RORB: variants seen among roughly 807,000 people sequenced by gnomAD.
RORB encodes nuclear receptor ROR-beta.
RORB carries 6 observed loss-of-function variants against 59.1 expected under a neutral mutation model. That is an observed-to-expected ratio of 0.10 (90% CI 0.06 to 0.20). RORB has a LOEUF of 0.20. Ranked by LOEUF, RORB falls within the 10% of genes least tolerant of loss-of-function variation. The pLI, the probability that RORB is intolerant of heterozygous loss-of-function variation, is 1.00. For synonymous variants in RORB, 215 were observed against 204.5 expected (o/e 1.05, Z -0.44); for missense variants, 320 against 560.5 (o/e 0.57, Z 4.33).
At chr9:74,666,034 C>T (rs1464558707) in intron 7 of RORB, among the ~76,000 whole-genome samples, 3 of 152,182 alleles carry the variant, frequency 2.0e-5, no homozygotes, top group South Asian at 2.1e-4. Context: ...TGCCTGTAAT[C>T]CCAGCACTTT....
rs771177814 is a variant in RORB at position 74,662,581 on chromosome 9, T to C, written c.867T>C (p.Asn289=). 1.2e-6 allele frequency: 2 copies of C among 1,613,996 alleles called. No individual in the cohort carries two copies. Among genetic ancestry groups the C allele is most frequent in the East Asian group, 4.5e-5 (2 of 44,872 alleles). Reference sequence around the variant, plus strand: ...CAGGCTTCATGGAGCTCTGTCAAAATGATCAAATTCTACTTCTGAAGTCAG... The same window carrying C: ...CAGGCTTCATGGAGCTCTGTCAAAACGATCAAATTCTACTTCTGAAGTCAG... The part of the protein sequence containing the change: ...RITGFMELCQ[N]DQILLLKSGC... The change falls in exon 6 of 10, where the codon AAT becomes AAC. Residue 289 remains asparagine, a synonymous_variant. Transcript: ENST00000376896.
intron 2 of RORB, among the ~76,000 whole-genome samples, chr9:74,632,116 A>G (rs1823628464): frequency 6.6e-6 from 1 of 152,182 alleles, no homozygotes; most frequent in African/African-American, 2.4e-5. Context: ...GTGTGATTTC[A>G]AAAGATGGGG....
chr9:74,501,588 C>G (rs1044048417), intron 1 of RORB, among the ~76,000 whole-genome samples: 7 of 152,112 alleles, frequency 4.6e-5, no homozygotes, highest in African/African-American at 1.7e-4. Flanking sequence ...ATTATTCAAA[C>G]AGTTTAAAAA....
chr9:74,559,244 C>G (rs1587359069), intron 1 of RORB, among the ~76,000 whole-genome samples: 1 of 152,282 alleles, frequency 6.6e-6, no homozygotes, highest in African/African-American at 2.4e-5. Flanking sequence ...GTCTTTTTAA[C>G]AAATCATTTT....
intron 1 of RORB, among the ~76,000 whole-genome samples, chr9:74,578,418 T>C (rs1739509255): frequency 6.6e-6 from 1 of 152,122 alleles, no homozygotes; most frequent in Non-Finnish European, 1.5e-5. Context: ...TTGAGTAAAG[T>C]ATGTTTAGGT....
intron 1 of RORB, among the ~76,000 whole-genome samples, chr9:74,575,425 C>A (rs1234120014): frequency 6.6e-6 from 1 of 152,076 alleles, no homozygotes; most frequent in Non-Finnish European, 1.5e-5. Context: ...TTCTCTTCAC[C>A]TGAGCACTTC....
intron 4 of RORB, among the ~76,000 whole-genome samples, chr9:74,647,649 T>C (rs1333592288): frequency 1.3e-5 from 2 of 152,184 alleles, no homozygotes; most frequent in African/African-American, 4.8e-5. Context: ...TTAAGCATCA[T>C]AAATAAATAT....
intron 1 of RORB, among the ~76,000 whole-genome samples, chr9:74,583,014 C>A (rs1311335053): frequency 1.3e-5 from 2 of 152,086 alleles, no homozygotes; most frequent in East Asian, 3.9e-4. Flanking sequence ...GTCCTACAGG[C>A]CCTACTCATG....
chr9:74,677,081 G>C (rs953195754), intron 9 of RORB, among the ~76,000 whole-genome samples: 3 of 152,028 alleles, frequency 2.0e-5, no homozygotes, highest in African/African-American at 7.3e-5. Context: ...GCATTTCCCC[G>C]GATCCCCCAC....
Position 74,685,631 on chromosome 9 carries a change from A to T in RORB, c.*13A>T. 1 of 1,577,368 alleles carries T rather than the reference A, an allele frequency of 6.3e-7. No individual in the cohort carries two copies. The highest frequency in any genetic ancestry group is 8.7e-7 in the Non-Finnish European group (1 of 1,154,458). On this transcript the variant is annotated 3_prime_UTR_variant, in exon 10 of 10. Coordinates refer to ENST00000376896, the MANE Select transcript of RORB (RefSeq NM_006914.4). ...CGGCTGCAAATGAAGGGGACAAGAGAACTGTCTCATAGTCATGGAATGCAT... is the reference window on the plus strand; with the variant it reads ...CGGCTGCAAATGAAGGGGACAAGAGTACTGTCTCATAGTCATGGAATGCAT...
chr9:74,609,172 T>A (rs10869428), intron 1 of RORB, among the ~76,000 whole-genome samples: 3 of 152,020 alleles, frequency 2.0e-5, no homozygotes, highest in Non-Finnish European at 4.4e-5. Flanking sequence ...TCACATATAT[T>A]ATCTGATTCA....
chr9:74,611,315 T>G (rs531535808), intron 1 of RORB, among the ~76,000 whole-genome samples: 1 of 152,172 alleles, frequency 6.6e-6, no homozygotes, highest in East Asian at 1.9e-4. Context: ...AAATGCCAGA[T>G]CAAGGGGATG....
chr9:74,498,842 AC>A, intron 1 of RORB: 1 of 162,266 alleles, frequency 6.2e-6, no homozygotes, highest in Admixed American at 6.5e-5. Flanking sequence ...CGGCGGCGGG[AC>A]CCCGGGGCGA....
chr9:74,662,641 A>G (rs935898728), intron 6 of RORB, 35 bp downstream of exon 6: 1 of 1,607,816 alleles, frequency 6.2e-7, no homozygotes, highest in Non-Finnish European at 8.5e-7. Context: ...CCTATTTCAG[A>G]TAAGGATGTG....
intron 5 of RORB, among the ~76,000 whole-genome samples, chr9:74,662,262 T>G (rs1461232294): frequency 1.3e-5 from 2 of 152,176 alleles, no homozygotes; most frequent in African/African-American, 4.8e-5. Context: ...CTCAGTACTT[T>G]GATCATTTTG....
chr9:74,683,653 G>T (rs1252661783), intron 9 of RORB, among the ~76,000 whole-genome samples: 2 of 152,044 alleles, frequency 1.3e-5, no homozygotes, highest in East Asian at 3.9e-4. Flanking sequence ...ACCTAATTAG[G>T]TCTCTCACTC....
In RORB at chr9:74,497,882, C is replaced by CCTT; in HGVS notation, c.-90_-88dup. ...CGGCAGAGCAGCTCTTCGCCGACCA[C>CCTT]CTTCTTCACTCGTGCTGAGCGGGAT... is the stretch of plus-strand genomic sequence containing the variant. On this transcript the variant is annotated 5_prime_UTR_variant, in exon 1 of 10. Transcript: ENST00000376896. The CCTT allele has an allele frequency of 6.7e-7, 1 of 1,488,120 alleles. No homozygotes were observed. The highest frequency in any genetic ancestry group is 9.2e-7 in the Non-Finnish European group (1 of 1,081,698). The allele number at this position is 1,488,120 out of a possible 1,614,324, so 92.2% of individuals were successfully genotyped here. A position where few individuals can be genotyped will look rare whatever the true frequency, so the allele number is the denominator to read the frequency against.
intron 1 of RORB, among the ~76,000 whole-genome samples, chr9:74,603,177 T>A (rs546504870): frequency 6.6e-6 from 1 of 152,174 alleles, no homozygotes; most frequent in East Asian, 1.9e-4. Flanking sequence ...AACATGCATA[T>A]GCCCAGTCGT....
intron 4 of RORB, among the ~76,000 whole-genome samples, chr9:74,654,544 C>T (rs1037143208): frequency 2.0e-5 from 3 of 152,114 alleles, no homozygotes; most frequent in African/African-American, 7.2e-5. Flanking sequence ...CTTCTTATTG[C>T]ACACATCAAA....
Sources: gnomAD v4.1 joint callset for allele counts (sites outside exome capture counted in the v4.1 genomes callset) on GRCh38, gnomAD v4.1.1 for gene constraint, MANE v1.5 for transcripts, NCBI Gene and HGNC (gene_info 2026-07-23, HGNC 2026-07-21) for gene names.